Variants in DLC1 observed in about 807,000 individuals in gnomAD.
DLC1 encodes the protein DLC1 Rho GTPase activating protein.
In DLC1, 54 loss-of-function variants were observed where a neutral mutation model predicts 140.3. The observed-to-expected ratio is 0.38, with a 90% CI of 0.31 to 0.48. DLC1 has a LOEUF of 0.48. Ranked by LOEUF, DLC1 falls within the 20% of genes least tolerant of loss-of-function variation. The pLI, the probability that DLC1 is intolerant of heterozygous loss-of-function variation, is 0.96. For synonymous variants in DLC1, 986 were observed against 728.1 expected (o/e 1.35, Z -5.70); for missense variants, 2,536 against 1,907.0 (o/e 1.33, Z -6.14).
intron 4 of DLC1, chr8:13,339,768 C>T (rs555892976): frequency 6.6e-6 from 1 of 152,292 alleles, no homozygotes; most frequent in South Asian, 2.1e-4. Flanking sequence ...ATTAAAATTA[C>T]TTGTATAGAA....
chr8:13,164,067 C>G (rs1022117641), intron 5 of DLC1, among the ~76,000 whole-genome samples: 1 of 151,982 alleles, frequency 6.6e-6, no homozygotes. Flanking sequence ...GAGGCCGAGG[C>G]GGGCGGATCA....
At chr8:13,217,289 C>G (rs1828249592) in intron 5 of DLC1, among the ~76,000 whole-genome samples, 1 of 152,138 alleles carries the variant, frequency 6.6e-6, no homozygotes, top group Admixed American at 6.5e-5. Flanking sequence ...ACGTTTGTGA[C>G]TTTATTACTT....
chr8:13,125,196 C>A (rs1038800167), intron 5 of DLC1, among the ~76,000 whole-genome samples: 2 of 152,150 alleles, frequency 1.3e-5, no homozygotes, highest in African/African-American at 4.8e-5. Context: ...AGGCTGGTCT[C>A]AAACTCCTGA....
At chr8:13,375,278 C>A (rs1193149553) in intron 4 of DLC1, among the ~76,000 whole-genome samples, 3 of 152,120 alleles carry the variant, frequency 2.0e-5, no homozygotes, top group South Asian at 4.1e-4. Context: ...CCACCCACCT[C>A]GGCCTCCCAA....
chr8:13,111,527 A>G (rs1052235399), intron 6 of DLC1, among the ~76,000 whole-genome samples: 17 of 152,202 alleles, frequency 1.1e-4, no homozygotes, highest in Admixed American at 7.9e-4. Context: ...ACTGAAAACC[A>G]GAGAGGGGGA....
At chr8:13,142,931 CCCAGCTACTTT>C (rs1823113946) in intron 5 of DLC1, among the ~76,000 whole-genome samples, 1 of 152,010 alleles carries the variant, frequency 6.6e-6, no homozygotes, top group Admixed American at 6.6e-5. Flanking sequence ...TTCCTGTAAT[CCCAGCTACTTT>C]GGAGGCTGAG....
intron 4 of DLC1, among the ~76,000 whole-genome samples, chr8:13,355,595 T>C (rs1373921913): frequency 6.6e-6 from 1 of 152,162 alleles, no homozygotes; most frequent in Non-Finnish European, 1.5e-5. Flanking sequence ...TCTCAGCTCA[T>C]TTAATATGAA....
Position 13,092,778 on chromosome 8 carries a change from G to C in DLC1, c.3574C>G (p.Leu1192Val). 6.2e-7 allele frequency: 1 copy of C among 1,614,116 alleles called. No homozygotes were observed. Among genetic ancestry groups the C allele is most frequent in the Non-Finnish European group, 8.5e-7 (1 of 1,180,008 alleles). Residue 1192 changes from leucine to valine, a missense_variant, in exon 13 of 18, where the codon CTG becomes GTG. By Grantham distance (32) the Leu-to-Val change is conservative. Coordinates refer to ENST00000276297, the MANE Select transcript of DLC1 (RefSeq NM_182643.3). ...ACCTCCCGGTTCTCGTCAGGCAGCA[G>C]CATGATGGCAGCCTTGATGGCCTGC... is the stretch of plus-strand genomic sequence containing the variant. ...RLQAIKAAIM[L>V]LPDENREVLQ...
rs530495349 is a variant in DLC1 at position 13,320,314 on chromosome 8, A to G, written c.1315-15012T>C. Among the ~76,000 whole-genome samples the G allele has an allele frequency of 9.8e-4, 150 of 152,294 alleles. 6 individuals carry two copies. The South Asian group carries it at 0.03, about 31-fold the overall frequency. On this transcript the variant is annotated intron_variant, in intron 4 of 17. Coordinates refer to ENST00000276297, the MANE Select transcript of DLC1 (RefSeq NM_182643.3). ...ATTTCTGCTCTCTATGAAATGGGTT[A>G]AAAACTTGCCTGTTAACTCTTCGTT... is the stretch of plus-strand genomic sequence containing the variant.
intron 5 of DLC1, among the ~76,000 whole-genome samples, chr8:13,227,047 GC>G (rs1013611400): frequency 1.3e-5 from 2 of 152,096 alleles, no homozygotes; most frequent in Non-Finnish European, 2.9e-5. Flanking sequence ...GGTATAGGGG[GC>G]GGGGGCAGGG....
chr8:13,288,623 C>T (rs1016970480), intron 5 of DLC1, among the ~76,000 whole-genome samples: 1 of 152,240 alleles, frequency 6.6e-6, no homozygotes, highest in Non-Finnish European at 1.5e-5. Flanking sequence ...TACTGCTTAT[C>T]TTGCTCAGCA....
chr8:13,106,093 G>C (rs1302553838), intron 7 of DLC1, among the ~76,000 whole-genome samples: 1 of 152,164 alleles, frequency 6.6e-6, no homozygotes, highest in Non-Finnish European at 1.5e-5. Context: ...GCTCTGAAGA[G>C]GGAGGAGTGC....
chr8:13,412,824 A>C (rs1430592830), intron 2 of DLC1, among the ~76,000 whole-genome samples: 9 of 149,014 alleles, frequency 6.0e-5, no homozygotes, highest in African/African-American at 2.0e-4. Context: ...CCCAGCTACT[A>C]GGGAGGCTGA....
intron 5 of DLC1, among the ~76,000 whole-genome samples, chr8:13,270,403 A>AT (rs1228763413): frequency 1.3e-5 from 2 of 152,012 alleles, no homozygotes; most frequent in Non-Finnish European, 2.9e-5. Context: ...CATTTAGCAT[A>AT]TTTTTTCCCA....
In DLC1 at chr8:13,473,102, C is replaced by T. The variant is rs78036495; in HGVS notation, c.1023+25947G>A. ...ATTATGCAGGTCAGGGGGTGATATG[C>T]AGACTTGATGTGCAGGAAGAGACAC... On this transcript the variant is annotated intron_variant, in intron 2 of 17. Transcript: ENST00000276297. Among the ~76,000 whole-genome samples, 1,470 of 152,270 alleles carry T rather than the reference C, an allele frequency of 9.7e-3. 17 individuals carry two copies. Among genetic ancestry groups the T allele is most frequent in the Non-Finnish European group, 0.016 (1,070 of 68,024 alleles).
chr8:13,602,751 A>T (rs190344761), intron 1 of DLC1, among the ~76,000 whole-genome samples: 4 of 151,960 alleles, frequency 2.6e-5, no homozygotes, highest in Admixed American at 2.6e-4. Context: ...AAACAACATA[A>T]TTTTTTTCAA....
intron 2 of DLC1, among the ~76,000 whole-genome samples, chr8:13,495,359 T>G (rs1437181965): frequency 6.6e-6 from 1 of 152,156 alleles, no homozygotes; most frequent in Admixed American, 6.5e-5. Context: ...ACTGTCTCCC[T>G]CCTCCAGACT....
intron 5 of DLC1, among the ~76,000 whole-genome samples, chr8:13,136,312 C>G (rs1822557152): frequency 6.6e-6 from 1 of 152,092 alleles, no homozygotes; most frequent in African/African-American, 2.4e-5. Flanking sequence ...AACAGTTTTT[C>G]AACTCCTTCT....
chr8:13,511,254 T>G (rs1802350216), intron 1 of DLC1, among the ~76,000 whole-genome samples: 1 of 152,234 alleles, frequency 6.6e-6, no homozygotes, highest in African/African-American at 2.4e-5. Flanking sequence ...CACATGCAAT[T>G]GTCTTTTCCA....
Sources: allele counts gnomAD v4.1 joint callset (sites outside exome capture counted in the v4.1 genomes callset), GRCh38; gene constraint gnomAD v4.1.1; transcripts MANE v1.5; gene names NCBI Gene and HGNC (gene_info 2026-07-23, HGNC 2026-07-21).